The following CNDP2 variants were observed in gnomAD, a reference collection of about 807,000 sequenced individuals.
CNDP2 encodes carnosine dipeptidase 2.
Under a neutral mutation model 55.0 loss-of-function variants are expected in CNDP2, and 38 were observed. That is an observed-to-expected ratio of 0.69 (90% CI 0.53 to 0.90). The LOEUF (loss-of-function observed/expected upper bound fraction) is 0.90. Among genes scored for constraint, CNDP2 ranks in the 40% least tolerant of loss-of-function variants. The probability of loss-of-function intolerance (pLI) is 0.00; values close to 1 mark genes in which losing one functional copy is unlikely to be tolerated. For synonymous variants in CNDP2, 241 were observed against 260.2 expected, an observed-to-expected ratio of 0.93 and a Z score of 0.71; for missense variants, 607 against 621.7, an observed-to-expected ratio of 0.98 and a Z score of 0.25.
chr18:74,505,557 C>A (rs1455758652), intron 3 of CNDP2, among the ~76,000 whole-genome samples: 3 of 151,268 alleles, frequency 2.0e-5, no homozygotes, highest in Non-Finnish European at 4.4e-5. Flanking sequence ...TGGGATCACG[C>A]CACTGCGCTC....
intron 9 of CNDP2, chr18:74,517,853 G>A (rs1210953487): frequency 1.3e-5 from 2 of 152,238 alleles, no homozygotes; most frequent in African/African-American, 4.8e-5. Context: ...GCAGGTCAGG[G>A]AAGATTGTTT....
At chr18:74,512,589 C>T in intron 7 of CNDP2, 57 bp downstream of exon 7, 1 of 1,463,282 alleles carries the variant, frequency 6.8e-7, no homozygotes, top group African/African-American at 1.4e-5. Flanking sequence ...GGCGTGACTT[C>T]CAGGCTGTCT....
chr18:74,500,668 G>A (rs564589187), intron 2 of CNDP2, among the ~76,000 whole-genome samples: 1 of 152,310 alleles, frequency 6.6e-6, no homozygotes, highest in South Asian at 2.1e-4. Flanking sequence ...GGTTAGTACT[G>A]TAGCAGGACA....
rs746131016 is a variant in CNDP2, at chr18:74,516,221, T to C, written c.904-7T>C. On this transcript the variant is annotated splice_polypyrimidine_tract_variant and splice_region_variant and intron_variant, in intron 8 of 11. Transcript: ENST00000324262. ...GAGGTGTCCCTGACCCTCTGATTTT[T>C]CTGCAGAAAGACATCCTCATGCACC... 4 of 1,605,710 alleles carry C rather than the reference T, an allele frequency of 2.5e-6. No homozygotes were observed. Among genetic ancestry groups the C allele is most frequent in the Non-Finnish European group, 2.6e-6 (3 of 1,175,520 alleles).
chr18:74,506,157 A>T, intron 4 of CNDP2, 146 bp downstream of exon 4: 1 of 714,726 alleles, frequency 1.4e-6, no homozygotes, highest in Non-Finnish European at 1.9e-6. Flanking sequence ...TTTTTGAGAC[A>T]GAGTCTCACT....
At chr18:74,512,959 C>T (rs1979439464) in intron 7 of CNDP2, among the ~76,000 whole-genome samples, 3 of 152,354 alleles carry the variant, frequency 2.0e-5, no homozygotes, top group Middle Eastern at 3.4e-3. Context: ...GGGCATAGCC[C>T]ATCGTGCTGT....
chr18:74,502,625 G>T (rs749640377), intron 3 of CNDP2, among the ~76,000 whole-genome samples: 1 of 152,070 alleles, frequency 6.6e-6, no homozygotes, highest in East Asian at 1.9e-4. Context: ...TATTTCAAAT[G>T]ATTTCAGCCT....
chr18:74,512,489 G>C lies in CNDP2; in HGVS notation c.699G>C (p.Gly233=), dbSNP rs1418696847. 6.2e-7 allele frequency: 1 copy of C among 1,613,918 alleles called. No homozygotes were observed. The highest frequency in any genetic ancestry group is 1.3e-5 in the African/African-American group (1 of 74,894). Residue 233 remains glycine, a synonymous_variant, in exon 7 of 12, where the codon GGG becomes GGC. Coordinates refer to ENST00000324262, the MANE Select transcript of CNDP2 (RefSeq NM_018235.3). The part of the protein sequence containing the change: ...SNKDLHSGVY[G]GSVHEAMTDL... ...AAGACCTCCATTCTGGGGTGTACGG[G>C]GGCTCGGTGCATGAGGCCATGACTG...
At position 74,512,475 on chromosome 18, in the gene CNDP2, T is replaced by C. The variant is rs1979407799; in HGVS notation, c.685T>C (p.Ser229Pro). ...GGAGTGCAGCAACAAAGACCTCCAT[T>C]CTGGGGTGTACGGGGGCTCGGTGCA... The part of the protein sequence containing the change: ...EVECSNKDLH[S>P]GVYGGSVHEA... Residue 229 changes from serine (S) to proline (P), a missense_variant, in exon 7 of 12, where the codon TCT (serine) becomes CCT (proline). Physicochemically the swap from Ser to Pro is moderately conservative, Grantham distance 74. Coordinates refer to ENST00000324262, the MANE Select transcript of CNDP2 (RefSeq NM_018235.3). 6.2e-7 allele frequency: 1 copy of C among 1,613,774 alleles called. No individual in the cohort carries two copies. The highest frequency in any genetic ancestry group is 1.3e-5 in the African/African-American group (1 of 74,868).
At chr18:74,496,594 C>T (rs946486937) in intron 1 of CNDP2, among the ~76,000 whole-genome samples, 163 bp downstream of exon 1, 15 of 152,306 alleles carry the variant, frequency 9.8e-5, no homozygotes, top group Admixed American at 3.3e-4. Context: ...CGGGCTGTTC[C>T]CGAGCGCGCG....
At chr18:74,505,649 A>G (rs1182345253) in intron 3 of CNDP2, among the ~76,000 whole-genome samples, 200 bp from the exon 4 acceptor site, 1 of 152,172 alleles carries the variant, frequency 6.6e-6, no homozygotes, top group Non-Finnish European at 1.5e-5. Flanking sequence ...GCAAACATGT[A>G]CATGTGCTCT....
rs1302084071 is a variant in CNDP2 at position 74,496,423 on chromosome 18, C to G, written c.-101C>G. Reference sequence around the variant, plus strand: ...AACAGGGCCTTGCCTAGTGGGCCTTCCTTCCCAGGTGGGTCTTCCTGATGG... The same window carrying G: ...AACAGGGCCTTGCCTAGTGGGCCTTGCTTCCCAGGTGGGTCTTCCTGATGG... On this transcript the variant is annotated 5_prime_UTR_variant, in exon 1 of 12. Coordinates refer to ENST00000324262, the MANE Select transcript of CNDP2 (RefSeq NM_018235.3). The G allele has an allele frequency of 6.6e-6, 1 of 152,380 alleles. No individual in the cohort carries two copies. Among genetic ancestry groups the G allele is most frequent in the Non-Finnish European group, 1.5e-5 (1 of 68,178 alleles). The allele number at this position is 152,380 out of a possible 1,614,324, so 9.4% of individuals were successfully genotyped here. A position where few individuals can be genotyped will look rare whatever the true frequency, so the allele number is the denominator to read the frequency against.
At chr18:74,501,121 ATGAGAGGGTCTCTCTCTTCCC>A in intron 2 of CNDP2, 187 bp from the exon 3 acceptor site, 1 of 1,122,346 alleles carries the variant, frequency 8.9e-7, no homozygotes, top group Non-Finnish European at 1.1e-6. Context: ...GTAAAACAAT[ATGAGAGGGTCTCTCTCTTCCC>A]TCAGTACAAA....
chr18:74,497,175 G>T (rs1978461447), intron 1 of CNDP2, among the ~76,000 whole-genome samples: 1 of 152,110 alleles, frequency 6.6e-6, no homozygotes, highest in Non-Finnish European at 1.5e-5. Flanking sequence ...AGCATAGACT[G>T]CAGGAAGAGG....
chr18:74,500,180 T>A, intron 2 of CNDP2, 147 bp downstream of exon 2: 1 of 625,984 alleles, frequency 1.6e-6, no homozygotes, highest in Non-Finnish European at 2.7e-6. Flanking sequence ...CTTCTTATTA[T>A]GGCATAGGTT....
rs981751693 is a variant in CNDP2 at position 74,521,152 on chromosome 18, G to A, written c.*1084G>A. ...AATCGCTCCATCTCAGTTGCTCGTC[G>A]CGTGCACACCATGCTTATTGAGTGG... is the stretch of plus-strand genomic sequence containing the variant. On this transcript the variant is annotated 3_prime_UTR_variant, in exon 12 of 12. Coordinates refer to ENST00000324262, the MANE Select transcript of CNDP2 (RefSeq NM_018235.3). 6.6e-6 allele frequency: 1 copy of A among 152,174 alleles called. No homozygotes were observed. Among genetic ancestry groups the A allele is most frequent in the Admixed American group, 6.5e-5 (1 of 15,272 alleles). The allele number at this position is 152,174 out of a possible 1,614,324, so 9.4% of individuals were successfully genotyped here.
chr18:74,502,727 G>A (rs1223983789), intron 3 of CNDP2, among the ~76,000 whole-genome samples: 1 of 151,928 alleles, frequency 6.6e-6, no homozygotes, highest in African/African-American at 2.4e-5. Flanking sequence ...GGCTTATCTC[G>A]GTTCTTTGGC....
At position 74,505,927 on chromosome 18, in the gene CNDP2, T is replaced by C; in HGVS notation, c.283T>C (p.Cys95Arg). The C allele has an allele frequency of 6.2e-7, 1 of 1,612,556 alleles. No individual in the cohort carries two copies. The highest frequency in any genetic ancestry group is 8.5e-7 in the Non-Finnish European group (1 of 1,179,508). ...LGSDPQKKTV[C>R]IYGHLDVQPA... ...CTCCGACCCACAGAAGAAGACCGTG[T>C]GCATTTACGGGCACCTGGATGTGCA... The change falls in exon 4 of 12, where the codon TGC becomes CGC. Residue 95 changes from cysteine to arginine, a missense_variant. Coordinates refer to ENST00000324262, the MANE Select transcript of CNDP2 (RefSeq NM_018235.3).
intron 6 of CNDP2, 38 bp downstream of exon 6, chr18:74,511,051 C>T: frequency 4.5e-6 from 7 of 1,550,094 alleles, no homozygotes; most frequent in Non-Finnish European, 6.2e-6. Context: ...TCTTTCTAAC[C>T]CCTGAATCTC....
Sources: gnomAD v4.1 joint callset for allele counts (sites outside exome capture counted in the v4.1 genomes callset) on GRCh38, gnomAD v4.1.1 for gene constraint, MANE v1.5 for transcripts, NCBI Gene and HGNC (gene_info 2026-07-23, HGNC 2026-07-21) for gene names.